The following LNX1 variants were observed in gnomAD, a reference collection of about 807,000 sequenced individuals.
LNX1 encodes ligand of numb-protein X 1.
LNX1 carries 54 observed loss-of-function variants against 68.4 expected under a neutral mutation model. That is an observed-to-expected ratio of 0.79 (90% CI 0.63 to 0.99). The LOEUF is 0.99. LNX1 is among the 50% of genes least tolerant of loss of function. The probability of loss-of-function intolerance (pLI) is 0.00; values close to 1 mark genes in which losing one functional copy is unlikely to be tolerated. For synonymous variants in LNX1, 336 were observed against 350.0 expected (o/e 0.96, Z 0.45); for missense variants, 906 against 926.4 (o/e 0.98, Z 0.29).
At chr4:53,476,234 G>A (rs1332963748) in intron 9 of LNX1, among the ~76,000 whole-genome samples, 4 of 152,136 alleles carry the variant, frequency 2.6e-5, no homozygotes, top group African/African-American at 9.7e-5. Flanking sequence ...GGAGGCCAAG[G>A]TTGCAGTGAG....
chr4:53,485,672 G>A (rs1226148711), intron 6 of LNX1, among the ~76,000 whole-genome samples: 1 of 152,202 alleles, frequency 6.6e-6, no homozygotes, highest in African/African-American at 2.4e-5. Context: ...ATATAAGGTG[G>A]AAAACGGGCT....
chr4:53,600,173 C>T (rs1434882257), intron 2 of LNX1, among the ~76,000 whole-genome samples: 2 of 152,196 alleles, frequency 1.3e-5, no homozygotes, highest in Non-Finnish European at 1.5e-5. Flanking sequence ...CAATCCTCCA[C>T]GCACTTGCTG....
chr4:53,544,682 G>A (rs1234060184), intron 2 of LNX1, among the ~76,000 whole-genome samples: 2 of 152,220 alleles, frequency 1.3e-5, no homozygotes, highest in African/African-American at 4.8e-5. Flanking sequence ...TGTGCAGGGG[G>A]CGAAGAAAGG....
Position 53,476,981 on chromosome 4 carries a change from C to T in LNX1, c.1664G>A (p.Gly555Asp). The T allele has an allele frequency of 6.2e-7, 1 of 1,612,984 alleles. No homozygotes were observed. Residue 555 changes from glycine to aspartate, a missense_variant and splice_region_variant, in exon 9 of 11, where the codon GGT (glycine) becomes GAT (aspartate). Physicochemically the swap from Gly to Asp is moderately conservative, Grantham distance 94. Transcript: ENST00000263925. ...VISRDGRIKT[G>D]DILLNVDGVE... Reference sequence around the variant, plus strand: ...CCCATCCACATTCAACAAAATGTCACCTGATGGCCAGAGAAGCAGAAGCTA... The same window carrying T: ...CCCATCCACATTCAACAAAATGTCATCTGATGGCCAGAGAAGCAGAAGCTA...
intron 2 of LNX1, among the ~76,000 whole-genome samples, chr4:53,608,054 A>G (rs1172091845): frequency 6.6e-6 from 1 of 152,124 alleles, no homozygotes; most frequent in Non-Finnish European, 1.5e-5. Context: ...GACACAGGGT[A>G]TGGCAAAGAT....
intron 1 of LNX1, among the ~76,000 whole-genome samples, chr4:53,629,710 G>C (rs1386382888): frequency 6.6e-6 from 1 of 152,140 alleles, no homozygotes; most frequent in Non-Finnish European, 1.5e-5. Flanking sequence ...CAATTTTTAG[G>C]GTAATCAGAG....
intron 2 of LNX1, among the ~76,000 whole-genome samples, chr4:53,597,653 C>A (rs148192011): frequency 1.3e-3 from 200 of 152,298 alleles, no homozygotes; most frequent in African/African-American, 4.7e-3. Flanking sequence ...CTCTCCAGGG[C>A]AGATTTCTGT....
chr4:53,522,576 C>T lies in LNX1; in HGVS notation c.381-14349G>A, dbSNP rs1044456711. 5.9e-5 allele frequency among the ~76,000 whole-genome samples: 9 copies of T among 152,166 alleles called. 1 individual carries two copies. The highest frequency in any genetic ancestry group is 2.2e-4 in the African/African-American group (9 of 41,432). The stretch of plus-strand genomic sequence containing the variant: ...GCCTGTTTTACTAGACTGCAAACTT[C>T]CTAAGGCCATGTCTCCTGTCTTTTG... On this transcript the variant is annotated intron_variant, in intron 2 of 10. Coordinates refer to ENST00000263925, the MANE Select transcript of LNX1 (RefSeq NM_001126328.3).
chr4:53,521,801 G>T (rs2109577898), intron 2 of LNX1, among the ~76,000 whole-genome samples: 1 of 152,156 alleles, frequency 6.6e-6, no homozygotes, highest in Non-Finnish European at 1.5e-5. Context: ...CTTGGGCCAG[G>T]CTTACTCTTT....
chr4:53,516,854 G>C (rs1197393155), intron 2 of LNX1, among the ~76,000 whole-genome samples: 1 of 152,170 alleles, frequency 6.6e-6, no homozygotes, highest in Non-Finnish European at 1.5e-5. Flanking sequence ...CTGATGCCAA[G>C]ACAGGAGAGG....
intron 2 of LNX1, among the ~76,000 whole-genome samples, chr4:53,602,479 C>T (rs1417893514): frequency 6.6e-6 from 1 of 152,216 alleles, no homozygotes; most frequent in Non-Finnish European, 1.5e-5. Context: ...CTCAGTCACT[C>T]TGACACTGAC....
chr4:53,530,993 C>T (rs149084976), intron 2 of LNX1, among the ~76,000 whole-genome samples: 22 of 152,162 alleles, frequency 1.4e-4, no homozygotes, highest in Non-Finnish European at 2.2e-4. Context: ...GGTAAAACCC[C>T]GACTCCACAA....
chr4:53,499,429 G>A (rs561119692), intron 4 of LNX1, among the ~76,000 whole-genome samples: 1 of 152,224 alleles, frequency 6.6e-6, no homozygotes, highest in East Asian at 1.9e-4. Context: ...AAAGTGCTGG[G>A]ATTACAGGTG....
At chr4:53,477,185 T>G (rs986068462) in intron 8 of LNX1, among the ~76,000 whole-genome samples, 19 of 150,190 alleles carry the variant, frequency 1.3e-4, no homozygotes, top group Non-Finnish European at 2.4e-4. Context: ...TTGTTTGGGG[T>G]TTTCTAAAGC....
chr4:53,600,248 A>G (rs1732939113), intron 2 of LNX1, among the ~76,000 whole-genome samples: 1 of 152,142 alleles, frequency 6.6e-6, no homozygotes, highest in Non-Finnish European at 1.5e-5. Flanking sequence ...ACTTTTTCCC[A>G]AAGGGGTTGA....
At chr4:53,581,561 G>A (rs558037956) in intron 1 of LNX1, among the ~76,000 whole-genome samples, 19 of 152,266 alleles carry the variant, frequency 1.2e-4, no homozygotes, top group Non-Finnish European at 2.2e-4. Flanking sequence ...CAATCATGGC[G>A]GAAGGTGAAG....
chr4:53,634,251 G>C (rs1053331516), intron 1 of LNX1, among the ~76,000 whole-genome samples: 2 of 126,196 alleles, frequency 1.6e-5, no homozygotes, highest in Admixed American at 8.0e-5. Flanking sequence ...GTCCAGCTTG[G>C]CTTTTTTTTT....
At chr4:53,506,639 G>C (rs1393048845) in intron 4 of LNX1, among the ~76,000 whole-genome samples, 1 of 151,972 alleles carries the variant, frequency 6.6e-6, no homozygotes, top group Non-Finnish European at 1.5e-5. Flanking sequence ...TGGATCACCT[G>C]AGTTCAGGAG....
Position 53,508,201 on chromosome 4 carries a change from A to T in LNX1, c.407T>A (p.Leu136Gln). 1 of 1,614,150 alleles carries T rather than the reference A, an allele frequency of 6.2e-7. No homozygotes were observed. The highest frequency in any genetic ancestry group is 8.5e-7 in the Non-Finnish European group (1 of 1,179,992). The change falls in exon 3 of 11, where the codon CTG becomes CAG. Residue 136 changes from leucine to glutamine, a missense_variant. Transcript: ENST00000263925. ...TSCKGASHYG[L>Q]TKDRKRRSQD... Reference sequence around the variant, plus strand: ...TGAGCGCCTCTTCCTATCTTTGGTCAGGCCGTAGTGGGAGGCACCTTTACA... The same window carrying T: ...TGAGCGCCTCTTCCTATCTTTGGTCTGGCCGTAGTGGGAGGCACCTTTACA...
Sources: gnomAD v4.1 joint callset for allele counts (sites outside exome capture counted in the v4.1 genomes callset) on GRCh38, gnomAD v4.1.1 for gene constraint, MANE v1.5 for transcripts, NCBI Gene and HGNC (gene_info 2026-07-23, HGNC 2026-07-21) for gene names.